The following COTL1 variants were observed in gnomAD, a reference collection of about 807,000 sequenced individuals.
COTL1 encodes the protein coactosin-like protein.
A neutral mutation model predicts 16.5 loss-of-function variants in COTL1; 15 were observed. The observed-to-expected ratio is 0.91, with a 90% confidence interval of 0.61 to 1.40. COTL1 has a LOEUF of 1.40. COTL1 is among the 40% of genes most tolerant of loss of function. The pLI is 0.00. For missense variants in COTL1, 220 were observed against 201.5 expected, an observed-to-expected ratio of 1.09 and a Z score of -0.56; for synonymous variants, 112 against 85.3, an observed-to-expected ratio of 1.31 and a Z score of -1.73.
intron 3 of COTL1, 103 bp from the exon 4 acceptor site, chr16:84,567,058 G>T: frequency 1.3e-6 from 1 of 762,024 alleles, no homozygotes; most frequent in South Asian, 1.5e-5. Context: ...TGAAAACCCT[G>T]ATGAGAGATG....
chr16:84,593,220 CAG>C (rs1904913147), intron 2 of COTL1, among the ~76,000 whole-genome samples: 1 of 152,232 alleles, frequency 6.6e-6, no homozygotes, highest in African/African-American at 2.4e-5. Context: ...AATGCCCCAC[CAG>C]GCCATGGCTA....
At chr16:84,585,676 T>C (rs553857557) in intron 3 of COTL1, among the ~76,000 whole-genome samples, 33 of 152,238 alleles carry the variant, frequency 2.2e-4, no homozygotes, top group African/African-American at 7.5e-4. Context: ...GGGAAGTTGA[T>C]AGGCATGCCA....
At chr16:84,580,251 C>T (rs1332750063) in intron 3 of COTL1, among the ~76,000 whole-genome samples, 2 of 152,094 alleles carry the variant, frequency 1.3e-5, no homozygotes, top group African/African-American at 4.8e-5. Flanking sequence ...ACTGTTTTTC[C>T]CTCTAAGACT....
intron 3 of COTL1, among the ~76,000 whole-genome samples, chr16:84,574,884 T>C (rs2914823): frequency 6.8e-4 from 104 of 151,894 alleles, no homozygotes; most frequent in African/African-American, 2.4e-3. Flanking sequence ...TAAACATCCA[T>C]TGAAACCTGT....
At chr16:84,596,982 A>G (rs1357852742) in intron 2 of COTL1, among the ~76,000 whole-genome samples, 7 of 152,070 alleles carry the variant, frequency 4.6e-5, no homozygotes, top group Non-Finnish European at 1.0e-4. Context: ...TCAGCCAGCC[A>G]GGGCCGCATC....
chr16:84,602,781 G>A (rs1189744032), intron 2 of COTL1, among the ~76,000 whole-genome samples: 1 of 151,998 alleles, frequency 6.6e-6, no homozygotes, highest in East Asian at 1.9e-4. Flanking sequence ...CTTGAGTCCA[G>A]GAGGCAGAGG....
At chr16:84,580,262 TG>T (rs2150683311) in intron 3 of COTL1, among the ~76,000 whole-genome samples, 1 of 152,306 alleles carries the variant, frequency 6.6e-6, no homozygotes, top group East Asian at 1.9e-4. Flanking sequence ...CTCTAAGACT[TG>T]TTTTTGAGAC....
chr16:84,593,492 A>ATC lies in COTL1; in HGVS notation c.161-3231_161-3230insGA, dbSNP rs1370809453. On this transcript the variant is annotated intron_variant, in intron 2 of 3. Transcript: ENST00000262428. ...TTCTTTATTGAGATAAAAGTCACAT[A>ATC]ACAAAATTCACCATTTTAACCACTT... Among the ~76,000 whole-genome samples the ATC allele has an allele frequency of 2.7e-3, 4 of 1,486 alleles. No individual in the cohort carries two copies. The Non-Finnish European group carries it at 0.03, about 11-fold the overall frequency. The allele number at this position is 1,486 out of a possible 152,430, so 1.0% of individuals were successfully genotyped here.
intron 2 of COTL1, among the ~76,000 whole-genome samples, chr16:84,603,570 AG>A (rs1905145887): frequency 6.8e-6 from 1 of 147,436 alleles, no homozygotes; most frequent in African/African-American, 2.5e-5. Context: ...CCTGGCACAC[AG>A]GAAGTGTTGG....
intron 2 of COTL1, among the ~76,000 whole-genome samples, chr16:84,591,962 C>T (rs1434221182): frequency 6.6e-6 from 1 of 152,124 alleles, no homozygotes; most frequent in East Asian, 1.9e-4. Context: ...TAGGATAAAC[C>T]AAAATTGTTC....
At chr16:84,613,641 A>G (rs938011932) in intron 2 of COTL1, among the ~76,000 whole-genome samples, 1 of 152,232 alleles carries the variant, frequency 6.6e-6, no homozygotes, top group Non-Finnish European at 1.5e-5. Flanking sequence ...TGTAGAAAGA[A>G]TTACCCCAGC....
chr16:84,595,970 G>A (rs1280562890), intron 2 of COTL1: 1 of 152,142 alleles, frequency 6.6e-6, no homozygotes, highest in African/African-American at 2.4e-5. Context: ...ACATGTATGT[G>A]TATATGTGTG....
intron 2 of COTL1, among the ~76,000 whole-genome samples, chr16:84,604,689 G>A (rs865821383): frequency 5.3e-5 from 8 of 152,294 alleles, no homozygotes; most frequent in South Asian, 2.1e-4. Flanking sequence ...CCCTCTCTCT[G>A]TCCCTCTGTT....
At chr16:84,571,590 C>T (rs74036308) in intron 3 of COTL1, among the ~76,000 whole-genome samples, 1,955 of 152,316 alleles carry the variant, frequency 0.013, 43 homozygotes, top group African/African-American at 0.045. Context: ...ACCCCTTCCC[C>T]GTTCTTTGAG....
intron 2 of COTL1, among the ~76,000 whole-genome samples, chr16:84,597,364 G>T (rs1230600867): frequency 6.6e-6 from 1 of 152,218 alleles, no homozygotes; most frequent in African/African-American, 2.4e-5. Flanking sequence ...AGAAACTGAG[G>T]CTTGGAGAGG....
intron 3 of COTL1, chr16:84,568,614 A>C (rs969479483): frequency 1.3e-5 from 2 of 152,270 alleles, no homozygotes; most frequent in African/African-American, 4.8e-5. Context: ...TACAGACAGA[A>C]AGCAGACTCG....
chr16:84,617,610 C>T (rs1176197374), intron 1 of COTL1, 27 bp from the exon 2 acceptor site: 2 of 1,545,768 alleles, frequency 1.3e-6, no homozygotes, highest in Non-Finnish European at 1.8e-6. Flanking sequence ...GAAAAAAACA[C>T]ACACACACAT....
intron 3 of COTL1, among the ~76,000 whole-genome samples, chr16:84,578,096 C>G (rs570051555): frequency 1.3e-5 from 2 of 152,144 alleles, no homozygotes; most frequent in African/African-American, 2.4e-5. Context: ...CTTTCCCCAC[C>G]GAGTCCAGGC....
chr16:84,587,034 G>A (rs1904750353), intron 3 of COTL1, among the ~76,000 whole-genome samples: 1 of 152,166 alleles, frequency 6.6e-6, no homozygotes, highest in South Asian at 2.1e-4. Context: ...CAAGCACGGC[G>A]GGCGGAATTC....
Sources: gnomAD v4.1 joint callset for allele counts (sites outside exome capture counted in the v4.1 genomes callset) on GRCh38, gnomAD v4.1.1 for gene constraint, MANE v1.5 for transcripts, NCBI Gene and HGNC (gene_info 2026-07-23, HGNC 2026-07-21) for gene names.